The following HOXB13 variants were observed in gnomAD, a reference collection of about 807,000 sequenced individuals.
HOXB13 encodes homeobox B13.
In HOXB13, 22 loss-of-function variants were observed where a neutral mutation model predicts 23.1. The observed-to-expected ratio is 0.95, with a 90% CI of 0.68 to 1.36. The LOEUF is 1.36. Among genes scored for constraint, HOXB13 ranks in the 40% most tolerant of loss-of-function variants. The pLI, the probability that HOXB13 is intolerant of heterozygous loss-of-function variation, is 0.00. For missense variants in HOXB13, 386 were observed against 376.2 expected, an observed-to-expected ratio of 1.03 and a Z score of -0.22; for synonymous variants, 173 against 157.9, an observed-to-expected ratio of 1.10 and a Z score of -0.72.
In HOXB13 at chr17:48,725,893, G is replaced by A. The variant is rs1395906071; in HGVS notation, c.*897C>T. The A allele has an allele frequency of 1.3e-5, 2 of 152,268 alleles. No homozygotes were observed. The highest frequency in any genetic ancestry group is 4.8e-5 in the African/African-American group (2 of 41,460). 9.4% of individuals were successfully genotyped at this position (152,268 alleles called of 1,614,324 possible). A position where few individuals can be genotyped will look rare whatever the true frequency, so the allele number is the denominator to read the frequency against. On this transcript the variant is annotated 3_prime_UTR_variant, in exon 2 of 2. Transcript: ENST00000290295. ...TACGTGGACTGGGAAAACAGGGTTG[G>A]CACCACTCTGCCACTCCGTTTGTGC... is the stretch of plus-strand genomic sequence containing the variant.
In HOXB13 at chr17:48,728,660, C is replaced by T. The variant is rs1597935689; in HGVS notation, c.-67G>A. On this transcript the variant is annotated 5_prime_UTR_variant, in exon 1 of 2. Coordinates refer to ENST00000290295, the MANE Select transcript of HOXB13 (RefSeq NM_006361.6). ...TAGGGGGCACCCAGCTCGCTCTCCC[C>T]ACCCAGGCCGGGGGAATCCAAAGCG... 2.0e-6 allele frequency: 3 copies of T among 1,529,530 alleles called. No individual in the cohort carries two copies. The highest frequency in any genetic ancestry group is 2.7e-6 in the Non-Finnish European group (3 of 1,116,672). 94.7% of individuals were successfully genotyped at this position (1,529,530 alleles called of 1,614,324 possible). A position where few individuals can be genotyped will look rare whatever the true frequency, so the allele number is the denominator to read the frequency against.
chr17:48,725,987 A>T lies in HOXB13; in HGVS notation c.*803T>A, dbSNP rs1031986983. ...TGGGATCCCAAATGCTCAACAAACC[A>T]TGACCTGCTTTGGTCAGAACCACCA... On this transcript the variant is annotated 3_prime_UTR_variant, in exon 2 of 2. Transcript: ENST00000290295. 4 of 152,270 alleles carry T rather than the reference A, an allele frequency of 2.6e-5. No homozygotes were observed. Among genetic ancestry groups the T allele is most frequent in the African/African-American group, 9.6e-5 (4 of 41,466 alleles). 9.4% of individuals were successfully genotyped at this position (152,270 alleles called of 1,614,324 possible).
chr17:48,726,526 C>A lies in HOXB13; in HGVS notation c.*264G>T. ...CTAGTACTGGTTATCGTGATTATTG[C>A]CACTGTCAGGATGAATGATTATGAC... On this transcript the variant is annotated 3_prime_UTR_variant, in exon 2 of 2. Transcript: ENST00000290295. 1 of 522,006 alleles carries A rather than the reference C, an allele frequency of 1.9e-6. No individual in the cohort carries two copies. Among genetic ancestry groups the A allele is most frequent in the Non-Finnish European group, 3.4e-6 (1 of 291,662 alleles). 32.3% of individuals were successfully genotyped at this position (522,006 alleles called of 1,614,324 possible).
rs368424992 is a variant in HOXB13 at position 48,725,419 on chromosome 17, G to A, written c.*1371C>T. 1 of 152,214 alleles carries A rather than the reference G, an allele frequency of 6.6e-6. No individual in the cohort carries two copies. The highest frequency in any genetic ancestry group is 1.5e-5 in the Non-Finnish European group (1 of 68,060). The allele number at this position is 152,214 out of a possible 1,614,324, so 9.4% of individuals were successfully genotyped here. A position where few individuals can be genotyped will look rare whatever the true frequency, so the allele number is the denominator to read the frequency against. On this transcript the variant is annotated 3_prime_UTR_variant, in exon 2 of 2. Transcript: ENST00000290295. The stretch of plus-strand genomic sequence containing the variant: ...CTTCCCAGGAGAGGAGACAGGGCTA[G>A]GATCCCACCCGACCGCGGGCCATAA...
rs1462540996 is a variant in HOXB13 at position 48,726,597 on chromosome 17, G to A, written c.*193C>T. ...CCCTGGTGGAGTGGGCTGTCACATGGGGTTCCGTCTCCCTGCACATACTGG... is the reference window on the plus strand; with the variant it reads ...CCCTGGTGGAGTGGGCTGTCACATGAGGTTCCGTCTCCCTGCACATACTGG... On this transcript the variant is annotated 3_prime_UTR_variant, in exon 2 of 2. Transcript: ENST00000290295. The A allele has an allele frequency of 4.7e-6, 3 of 632,812 alleles. No individual in the cohort carries two copies. The highest frequency in any genetic ancestry group is 8.1e-6 in the Non-Finnish European group (3 of 370,014). 39.2% of individuals were successfully genotyped at this position (632,812 alleles called of 1,614,324 possible). A position where few individuals can be genotyped will look rare whatever the true frequency, so the allele number is the denominator to read the frequency against.
rs762666370 is a variant in HOXB13, at chr17:48,728,223, G to C, written c.371C>G (p.Pro124Arg). 36 of 1,614,122 alleles carry C rather than the reference G, an allele frequency of 2.2e-5. No individual in the cohort carries two copies. The highest frequency in any genetic ancestry group is 2.5e-5 in the Non-Finnish European group (29 of 1,180,052). The change falls in exon 1 of 2, where the codon CCC becomes CGC. Residue 124 changes from proline to arginine, a missense_variant. Coordinates refer to ENST00000290295, the MANE Select transcript of HOXB13 (RefSeq NM_006361.6). ...PTAGEEYPSR[P>R]TEFAFYPGYP... The stretch of plus-strand genomic sequence containing the variant: ...TCCCGGATAGAAGGCAAACTCAGTG[G>C]GGCGGCTGGGGTACTCTTCCCCGGC...
At position 48,726,919 on chromosome 17, in the gene HOXB13, G is replaced by A. The variant is rs1597932743; in HGVS notation, c.726C>T (p.Thr242=). The change falls in exon 2 of 2, where the codon ACC becomes ACT. Residue 242 remains threonine (T), a synonymous_variant. Transcript: ENST00000290295. ...CCGAGATCTTGCGCCTCTTGTCCTTGGTGATGAACTTGTTAGCCGCATACT... is the reference window on the plus strand; with the variant it reads ...CCGAGATCTTGCGCCTCTTGTCCTTAGTGATGAACTTGTTAGCCGCATACT... The part of the protein sequence containing the change: ...EREYAANKFI[T]KDKRRKISAA... 1 of 1,613,966 alleles carries A rather than the reference G, an allele frequency of 6.2e-7. No homozygotes were observed. The highest frequency in any genetic ancestry group is 8.5e-7 in the Non-Finnish European group (1 of 1,180,004).
chr17:48,724,852 G>A lies in HOXB13; in HGVS notation c.*1938C>T, dbSNP rs951290084. On this transcript the variant is annotated 3_prime_UTR_variant, in exon 2 of 2. Transcript: ENST00000290295. Reference sequence around the variant, plus strand: ...TAGCAGAGTGTGGGAGTTAGAGCATGGGGAGTCCAGAGGTTCCAGACCCCC... The same window carrying A: ...TAGCAGAGTGTGGGAGTTAGAGCATAGGGAGTCCAGAGGTTCCAGACCCCC... The A allele has an allele frequency of 1.3e-5, 6 of 447,404 alleles. No homozygotes were observed. Among genetic ancestry groups the A allele is most frequent in the African/African-American group, 2.0e-5 (1 of 49,460 alleles). 27.7% of individuals were successfully genotyped at this position (447,404 alleles called of 1,614,324 possible). A position where few individuals can be genotyped will look rare whatever the true frequency, so the allele number is the denominator to read the frequency against.
Position 48,724,892 on chromosome 17 carries a change from G to A in HOXB13, c.*1898C>T. ...TCCAGACCCCCAAAGGTCTCTACCA[G>A]GGCCATCTCCGTTAGTGGCGGTGGC... On this transcript the variant is annotated 3_prime_UTR_variant, in exon 2 of 2. Coordinates refer to ENST00000290295, the MANE Select transcript of HOXB13 (RefSeq NM_006361.6). 2.6e-6 allele frequency: 1 copy of A among 388,156 alleles called. No homozygotes were observed. The highest frequency in any genetic ancestry group is 1.4e-4 in the South Asian group (1 of 6,974). The allele number at this position is 388,156 out of a possible 1,614,324, so 24.0% of individuals were successfully genotyped here. A position where few individuals can be genotyped will look rare whatever the true frequency, so the allele number is the denominator to read the frequency against.
rs374736844 is a variant in HOXB13, at chr17:48,726,796, G to A, written c.849C>T (p.Thr283=). Residue 283 remains threonine (T), a synonymous_variant, in exon 2 of 2, where the codon ACC becomes ACT. Coordinates refer to ENST00000290295, the MANE Select transcript of HOXB13 (RefSeq NM_006361.6). ...KVLAKVKNSA[T]P ...ACCCAGGCAAGGAGATCTCTTAAGG[G>A]GTAGCGCTGTTCTTCACCTTGGCGA... The A allele has an allele frequency of 2.7e-5, 44 of 1,613,958 alleles. No homozygotes were observed. The African/African-American group carries it at 3.1e-4, about 11-fold the overall frequency.
rs1228891818 is a variant in HOXB13, at chr17:48,724,902, C to T, written c.*1888G>A. On this transcript the variant is annotated 3_prime_UTR_variant, in exon 2 of 2. Coordinates refer to ENST00000290295, the MANE Select transcript of HOXB13 (RefSeq NM_006361.6). Reference sequence around the variant, plus strand: ...CAAAGGTCTCTACCAGGGCCATCTCCGTTAGTGGCGGTGGCAGCCCCTCTT... The same window carrying T: ...CAAAGGTCTCTACCAGGGCCATCTCTGTTAGTGGCGGTGGCAGCCCCTCTT... 2.7e-6 allele frequency: 1 copy of T among 376,390 alleles called. No individual in the cohort carries two copies. Among genetic ancestry groups the T allele is most frequent in the Admixed American group, 4.6e-5 (1 of 21,916 alleles). 23.3% of individuals were successfully genotyped at this position (376,390 alleles called of 1,614,324 possible).
chr17:48,728,067 C>T lies in HOXB13; in HGVS notation c.527G>A (p.Gly176Asp), dbSNP rs539086211. The T allele has an allele frequency of 6.2e-7, 1 of 1,614,216 alleles. No individual in the cohort carries two copies. Among genetic ancestry groups the T allele is most frequent in the East Asian group, 2.2e-5 (1 of 44,880 alleles). The change falls in exon 1 of 2, where the codon GGT becomes GAT. Residue 176 changes from glycine to aspartate, a missense_variant. Physicochemically the swap from Gly to Asp is moderately conservative, Grantham distance 94 (BLOSUM62 -1). Coordinates refer to ENST00000290295, the MANE Select transcript of HOXB13 (RefSeq NM_006361.6). ...VDSYQSWALAGGWNSQMCCQG... is the reference protein window; with the variant it reads ...VDSYQSWALADGWNSQMCCQG... ...GCAACACATCTGGCTGTTCCAGCCA[C>T]CAGCGAGAGCCCAAGACTGGTAACT...
rs1597933163 is a variant in HOXB13, at chr17:48,727,098, A to G, written c.602-55T>C. On this transcript the variant is annotated intron_variant, in intron 1 of 1. Coordinates refer to ENST00000290295, the MANE Select transcript of HOXB13 (RefSeq NM_006361.6). ...GGCATGGTCAGATACCCACCCATGC[A>G]GACCCAGGCCTTGCAAGCCCCAAGC... The G allele has an allele frequency of 1.9e-6, 3 of 1,584,422 alleles. No homozygotes were observed. The highest frequency in any genetic ancestry group is 2.2e-5 in the South Asian group (2 of 89,462).
chr17:48,727,274 G>A (rs2038222111), intron 1 of HOXB13, among the ~76,000 whole-genome samples: 1 of 152,096 alleles, frequency 6.6e-6, no homozygotes, highest in African/African-American at 2.4e-5. Context: ...ACCCATCACT[G>A]CTCTCACACC....
chr17:48,728,712 C>A lies in HOXB13; in HGVS notation c.-119G>T, dbSNP rs2038246127. 6.4e-6 allele frequency: 6 copies of A among 930,994 alleles called. No homozygotes were observed. The Admixed American group carries it at 7.8e-5, about 12-fold the overall frequency. 57.7% of individuals were successfully genotyped at this position (930,994 alleles called of 1,614,324 possible). On this transcript the variant is annotated 5_prime_UTR_variant, in exon 1 of 2. Coordinates refer to ENST00000290295, the MANE Select transcript of HOXB13 (RefSeq NM_006361.6). ...TTTAAATCGCTCCCAGCTCGCAAGT[C>A]GCCTGCATTCGCTCAGCACGGCCGT...
chr17:48,727,794 C>G (rs1305961749), intron 1 of HOXB13, among the ~76,000 whole-genome samples, 199 bp downstream of exon 1: 1 of 152,076 alleles, frequency 6.6e-6, no homozygotes. Flanking sequence ...CAGATAGCAC[C>G]CAGCTCAGGC....
chr17:48,728,723 G>A lies in HOXB13; in HGVS notation c.-130C>T. The A allele has an allele frequency of 1.2e-6, 1 of 830,010 alleles. No homozygotes were observed. Among genetic ancestry groups the A allele is most frequent in the Non-Finnish European group, 1.9e-6 (1 of 532,992 alleles). The allele number at this position is 830,010 out of a possible 1,614,324, so 51.4% of individuals were successfully genotyped here. A position where few individuals can be genotyped will look rare whatever the true frequency, so the allele number is the denominator to read the frequency against. On this transcript the variant is annotated 5_prime_UTR_variant, in exon 1 of 2. Transcript: ENST00000290295. ...CCCAGCTCGCAAGTCGCCTGCATTC[G>A]CTCAGCACGGCCGTCTTGACGCAAG...
Position 48,726,819 on chromosome 17 carries a change from C to T in HOXB13, c.826G>A (p.Ala276Thr), listed in dbSNP as rs191886930. 9 of 1,614,166 alleles carry T rather than the reference C, an allele frequency of 5.6e-6. No homozygotes were observed. In the East Asian group the frequency reaches 1.1e-4, roughly 20 times the overall value. ...NRRVKEKKVL[A>T]KVKNSATP Reference sequence around the variant, plus strand: ...GGGGTAGCGCTGTTCTTCACCTTGGCGAGAACCTTCTTCTCTTTGACCCGG... The same window carrying T: ...GGGGTAGCGCTGTTCTTCACCTTGGTGAGAACCTTCTTCTCTTTGACCCGG... The change falls in exon 2 of 2, where the codon GCC becomes ACC. Residue 276 changes from alanine to threonine, a missense_variant. Physicochemically the swap from Ala to Thr is moderately conservative, Grantham distance 58. Transcript: ENST00000290295.
At chr17:48,727,446 T>TACACAC (rs35119864) in intron 1 of HOXB13, among the ~76,000 whole-genome samples, 19 of 149,792 alleles carry the variant, frequency 1.3e-4, no homozygotes, top group African/African-American at 4.4e-4. Context: ...TACATGCGCA[T>TACACAC]ACACACACAC....
Sources: gnomAD v4.1 joint callset for allele counts (sites outside exome capture counted in the v4.1 genomes callset) on GRCh38, gnomAD v4.1.1 for gene constraint, MANE v1.5 for transcripts, NCBI Gene and HGNC (gene_info 2026-07-23, HGNC 2026-07-21) for gene names.